Variants in TMEM108 observed in about 807,000 individuals in gnomAD.
TMEM108 encodes transmembrane protein 108.
TMEM108 carries 12 observed loss-of-function variants against 35.1 expected under a neutral mutation model. The observed-to-expected ratio is 0.34, with a 90% CI of 0.22 to 0.55. The LOEUF (loss-of-function observed/expected upper bound fraction) is 0.55, where lower values mean the gene tolerates loss of function less well. TMEM108 is among the 20% of genes least tolerant of loss of function. The pLI, the probability that TMEM108 is intolerant of heterozygous loss-of-function variation, is 0.89. For synonymous variants in TMEM108, 287 were observed against 308.6 expected, an observed-to-expected ratio of 0.93 and a Z score of 0.73; for missense variants, 680 against 753.3, an observed-to-expected ratio of 0.90 and a Z score of 1.14.
At chr3:133,185,194 T>A (rs1945400992) in intron 2 of TMEM108, among the ~76,000 whole-genome samples, 1 of 152,188 alleles carries the variant, frequency 6.6e-6, no homozygotes, top group Non-Finnish European at 1.5e-5. Context: ...TCGTATTTGT[T>A]AGAAAGCTTG....
chr3:133,327,612 C>T (rs773097449), intron 3 of TMEM108, among the ~76,000 whole-genome samples: 3 of 152,106 alleles, frequency 2.0e-5, no homozygotes, highest in Non-Finnish European at 2.9e-5. Context: ...AGACTGGTGT[C>T]AAGGTCAGAA....
intron 2 of TMEM108, among the ~76,000 whole-genome samples, chr3:133,079,181 G>T (rs34373728): frequency 2.0e-5 from 3 of 152,176 alleles, no homozygotes; most frequent in Non-Finnish European, 4.4e-5. Context: ...TTCCCTGTGT[G>T]TAAAGAGGGG....
At chr3:133,372,493 A>C (rs1323008823) in intron 3 of TMEM108, among the ~76,000 whole-genome samples, 3 of 151,970 alleles carry the variant, frequency 2.0e-5, no homozygotes, top group African/African-American at 7.3e-5. Context: ...TTTTTAGGAG[A>C]CCATGGTCTG....
At chr3:133,247,594 G>C (rs959988793) in intron 3 of TMEM108, 3 of 150,818 alleles carry the variant, frequency 2.0e-5, no homozygotes, top group African/African-American at 7.3e-5. Flanking sequence ...TCACCAAAAG[G>C]ACTATTTTCA....
At position 133,227,428 on chromosome 3, in the gene TMEM108, C is replaced by T. The variant is rs1205455427; in HGVS notation, c.-46-1838C>T. 5.4e-5 allele frequency among the ~76,000 whole-genome samples: 8 copies of T among 148,452 alleles called. No homozygotes were observed. The East Asian group carries it at 6.2e-4, about 11-fold the overall frequency. On this transcript the variant is annotated intron_variant, in intron 2 of 5. Coordinates refer to ENST00000321871, the MANE Select transcript of TMEM108 (RefSeq NM_023943.4). ...CAGGATGGTCTCGATCTCCTGACCTCGTGATCCGCCCGCCTCGGCCTCCCA... is the reference window on the plus strand; with the variant it reads ...CAGGATGGTCTCGATCTCCTGACCTTGTGATCCGCCCGCCTCGGCCTCCCA...
chr3:133,158,230 G>A (rs974369261), intron 2 of TMEM108, among the ~76,000 whole-genome samples: 9 of 152,030 alleles, frequency 5.9e-5, no homozygotes, highest in African/African-American at 1.2e-4. Flanking sequence ...AGCACTTTGG[G>A]AGGCCAAGGT....
chr3:133,394,096 A>G (rs915652828), intron 5 of TMEM108, among the ~76,000 whole-genome samples: 2 of 152,232 alleles, frequency 1.3e-5, no homozygotes, highest in Admixed American at 6.5e-5. Flanking sequence ...CTCACACTAT[A>G]TGAGGGTAAA....
intron 2 of TMEM108, among the ~76,000 whole-genome samples, chr3:133,204,900 G>T (rs911403988): frequency 2.0e-5 from 3 of 152,148 alleles, no homozygotes; most frequent in African/African-American, 7.2e-5. Flanking sequence ...TCACAATGGG[G>T]TGTTAAAGTC....
intron 2 of TMEM108, among the ~76,000 whole-genome samples, chr3:133,088,238 G>T (rs1943906905): frequency 6.6e-6 from 1 of 151,986 alleles, no homozygotes; most frequent in Admixed American, 6.6e-5. Flanking sequence ...AGGCATTGTG[G>T]GCTACAGATT....
chr3:133,341,204 A>T (rs2071651582), intron 3 of TMEM108, among the ~76,000 whole-genome samples: 1 of 151,792 alleles, frequency 6.6e-6, no homozygotes, highest in African/African-American at 2.4e-5. Flanking sequence ...GATAAATTCA[A>T]TAAGTTGCAG....
rs552731104 is a variant in TMEM108 at position 133,361,504 on chromosome 3, A to G, written c.41-18248A>G. ...CCCCAAAAATTAGCATCTTAAAATA[A>G]TGACACCATTCATTTTGTTTGAAAG... On this transcript the variant is annotated intron_variant, in intron 3 of 5. Transcript: ENST00000321871. Among the ~76,000 whole-genome samples, 13 of 152,372 alleles carry G rather than the reference A, an allele frequency of 8.5e-5. No homozygotes were observed. The East Asian group carries it at 2.5e-3, about 29-fold the overall frequency.
Position 133,080,367 on chromosome 3 carries a change from T to G in TMEM108, c.-47+34347T>G, listed in dbSNP as rs1317026223. ...TTCCAGAGGCCTCAAAATAACTGAT[T>G]TACATAAAGTATGATGCAGAAACTA... On this transcript the variant is annotated intron_variant, in intron 2 of 5. Transcript: ENST00000321871. Among the ~76,000 whole-genome samples, 3 of 152,328 alleles carry G rather than the reference T, an allele frequency of 2.0e-5. No individual in the cohort carries two copies. The East Asian group carries it at 5.8e-4, about 29-fold the overall frequency.
intron 2 of TMEM108, among the ~76,000 whole-genome samples, chr3:133,185,852 C>T (rs187485558): frequency 6.7e-6 from 1 of 149,362 alleles, no homozygotes; most frequent in Non-Finnish European, 1.5e-5. Context: ...ACTGCAACCT[C>T]TCCCTCCCAG....
intron 3 of TMEM108, among the ~76,000 whole-genome samples, chr3:133,319,905 C>T (rs562491262): frequency 1.9e-4 from 29 of 152,268 alleles, no homozygotes; most frequent in Admixed American, 1.3e-4. Flanking sequence ...CCTTAAGTTC[C>T]AGATTTTTCC....
At chr3:133,134,279 A>G (rs1944533334) in intron 2 of TMEM108, among the ~76,000 whole-genome samples, 1 of 152,116 alleles carries the variant, frequency 6.6e-6, no homozygotes, top group Non-Finnish European at 1.5e-5. Flanking sequence ...TATTTCACTA[A>G]TTATTGTATT....
chr3:133,079,073 A>C (rs1943779384), intron 2 of TMEM108, among the ~76,000 whole-genome samples: 1 of 152,224 alleles, frequency 6.6e-6, no homozygotes, highest in South Asian at 2.1e-4. Flanking sequence ...GTATATAATT[A>C]GGTTCTAGAA....
intron 2 of TMEM108, among the ~76,000 whole-genome samples, chr3:133,153,245 T>C (rs1215125642): frequency 1.3e-5 from 2 of 152,138 alleles, no homozygotes; most frequent in African/African-American, 4.8e-5. Context: ...TAAATTTCTT[T>C]GGAGCAGATA....
chr3:133,300,734 T>G (rs1426025455), intron 3 of TMEM108, among the ~76,000 whole-genome samples: 1 of 151,336 alleles, frequency 6.6e-6, no homozygotes, highest in Non-Finnish European at 1.5e-5. Flanking sequence ...AGCCCTGGAG[T>G]GATTAGGGCT....
chr3:133,321,679 CTT>C (rs761846404), intron 3 of TMEM108, among the ~76,000 whole-genome samples: 4 of 152,132 alleles, frequency 2.6e-5, no homozygotes, highest in Non-Finnish European at 2.9e-5. Flanking sequence ...AACAAATGGA[CTT>C]AACAGATATT....
Sources: gnomAD v4.1 joint callset for allele counts (sites outside exome capture counted in the v4.1 genomes callset) on GRCh38, gnomAD v4.1.1 for gene constraint, MANE v1.5 for transcripts, NCBI Gene and HGNC (gene_info 2026-07-23, HGNC 2026-07-21) for gene names.